The following EGFLAM variants were observed in gnomAD, a reference collection of about 807,000 sequenced individuals.
EGFLAM encodes pikachurin.
EGFLAM carries 79 observed loss-of-function variants against 113.1 expected under a neutral mutation model. That is an observed-to-expected ratio of 0.70 (90% CI 0.58 to 0.84). The LOEUF is 0.84. Among genes scored for constraint, EGFLAM ranks in the 40% least tolerant of loss-of-function variants. The pLI is 0.00. For synonymous variants in EGFLAM, 504 were observed against 487.6 expected, an observed-to-expected ratio of 1.03 and a Z score of -0.44; for missense variants, 1,265 against 1,291.6, an observed-to-expected ratio of 0.98 and a Z score of 0.32.
At chr5:38,262,825 A>G (rs1011634261) in intron 1 of EGFLAM, among the ~76,000 whole-genome samples, 3 of 152,162 alleles carry the variant, frequency 2.0e-5, no homozygotes, top group Non-Finnish European at 4.4e-5. Context: ...ATATGTTTCC[A>G]TTTCTCTTGA....
chr5:38,278,782 C>A (rs1757949044), intron 1 of EGFLAM, among the ~76,000 whole-genome samples: 1 of 146,248 alleles, frequency 6.8e-6, no homozygotes, highest in Non-Finnish European at 1.5e-5. Context: ...AGCCACCGTG[C>A]CTGGCCTCTG....
intron 1 of EGFLAM, chr5:38,283,930 G>C (rs550195000): frequency 1.3e-5 from 2 of 152,394 alleles, no homozygotes; most frequent in African/African-American, 4.8e-5. Context: ...TACCTTCTCA[G>C]CTCTTCATTA....
intron 5 of EGFLAM, among the ~76,000 whole-genome samples, chr5:38,360,573 G>A (rs930641549): frequency 6.6e-6 from 1 of 152,200 alleles, no homozygotes; most frequent in African/African-American, 2.4e-5. Flanking sequence ...CCACTTCTAA[G>A]CTGTGTGATC....
At chr5:38,285,666 G>C (rs1758142725) in intron 1 of EGFLAM, 1 of 152,272 alleles carries the variant, frequency 6.6e-6, no homozygotes, top group African/African-American at 2.4e-5. Flanking sequence ...AATTTATAAA[G>C]AAAAGAGTTT....
chr5:38,412,390 C>T, intron 10 of EGFLAM, 114 bp from the exon 11 acceptor site: 2 of 1,503,750 alleles, frequency 1.3e-6, no homozygotes, highest in Non-Finnish European at 1.8e-6. Context: ...AAACATGACT[C>T]TGAACAGACT....
At chr5:38,333,105 A>G (rs1739087912) in intron 1 of EGFLAM, among the ~76,000 whole-genome samples, 1 of 152,182 alleles carries the variant, frequency 6.6e-6, no homozygotes, top group East Asian at 1.9e-4. Flanking sequence ...CTCCAGCTCC[A>G]TTCATGTTCC....
At chr5:38,449,991 A>T (rs537361578) in intron 18 of EGFLAM, among the ~76,000 whole-genome samples, 1 of 152,188 alleles carries the variant, frequency 6.6e-6, no homozygotes, top group African/African-American at 2.4e-5. Context: ...TAAGCTGCAC[A>T]TAAGATGACT....
intron 6 of EGFLAM, among the ~76,000 whole-genome samples, chr5:38,399,380 C>T (rs951262226): frequency 2.0e-5 from 3 of 151,200 alleles, no homozygotes; most frequent in South Asian, 2.1e-4. Context: ...CAGGCTCAAG[C>T]GATCCTGCCA....
In EGFLAM at chr5:38,463,090, A is replaced by G. The variant is rs7702937; in HGVS notation, c.2875+79A>G. ...GTCTTCCATTTGCTGTGCCGAGGCT[A>G]TGTACTTTGCTGGATCAAATACCTG... On this transcript the variant is annotated intron_variant, in intron 21 of 21. Coordinates refer to ENST00000322350, the MANE Select transcript of EGFLAM (RefSeq NM_152403.4). 30,820 of 1,410,976 alleles carry G rather than the reference A, an allele frequency of 0.022. 4,767 individuals are homozygous for G. In the African/African-American group the frequency reaches 0.36, roughly 16 times the overall value. The allele number at this position is 1,410,976 out of a possible 1,614,324, so 87.4% of individuals were successfully genotyped here.
chr5:38,328,760 A>G (rs1738958514), intron 1 of EGFLAM, among the ~76,000 whole-genome samples: 1 of 69,662 alleles, frequency 1.4e-5, no homozygotes, highest in Non-Finnish European at 3.0e-5. Flanking sequence ...TTGTCTCTTC[A>G]TATTTTATTT....
chr5:38,352,978 T>C (rs1187361637), intron 5 of EGFLAM, among the ~76,000 whole-genome samples: 4 of 152,202 alleles, frequency 2.6e-5, no homozygotes, highest in Admixed American at 6.5e-5. Flanking sequence ...AAATATTATA[T>C]ATGAAAGTAA....
At chr5:38,336,867 CCAA>C (rs1739201275) in intron 1 of EGFLAM, among the ~76,000 whole-genome samples, 1 of 151,968 alleles carries the variant, frequency 6.6e-6, no homozygotes, top group Admixed American at 6.6e-5. Context: ...TTGCATGTGA[CCAA>C]CAAGAGATAT....
At chr5:38,372,653 AGG>A (rs1740255778) in intron 6 of EGFLAM, among the ~76,000 whole-genome samples, 1 of 152,216 alleles carries the variant, frequency 6.6e-6, no homozygotes, top group South Asian at 2.1e-4. Context: ...AATTGTGGGT[AGG>A]GAAGGTGGAC....
chr5:38,293,479 AC>A (rs1467988317), intron 1 of EGFLAM, among the ~76,000 whole-genome samples: 14 of 152,338 alleles, frequency 9.2e-5, no homozygotes, highest in South Asian at 6.2e-4. Flanking sequence ...GACTTGGCTG[AC>A]AAGAATTCCT....
chr5:38,463,938 G>C lies in EGFLAM; in HGVS notation c.2982G>C (p.Val994=). 6.2e-7 allele frequency: 1 copy of C among 1,614,218 alleles called. No individual in the cohort carries two copies. The highest frequency in any genetic ancestry group is 8.5e-7 in the Non-Finnish European group (1 of 1,180,046). ...TLSTDYHISL[V]EDAVDGKNIN... ...CCACCGATTACCACATTTCCCTCGTGGAAGATGCCGTGGATGGGAAAAACA... is the reference window on the plus strand; with the variant it reads ...CCACCGATTACCACATTTCCCTCGTCGAAGATGCCGTGGATGGGAAAAACA... The change falls in exon 22 of 22, where the codon GTG becomes GTC. Residue 994 remains valine (V), a synonymous_variant. Coordinates refer to ENST00000322350, the MANE Select transcript of EGFLAM (RefSeq NM_152403.4).
chr5:38,416,375 A>G (rs564849586), intron 11 of EGFLAM, among the ~76,000 whole-genome samples: 2 of 152,356 alleles, frequency 1.3e-5, no homozygotes, highest in South Asian at 2.1e-4. Context: ...TTTTCAGGGT[A>G]TGGCTTCTGC....
intron 1 of EGFLAM, among the ~76,000 whole-genome samples, chr5:38,302,962 A>C (rs1289021533): frequency 1.3e-5 from 2 of 152,202 alleles, no homozygotes; most frequent in Non-Finnish European, 2.9e-5. Context: ...TAATGAGCTC[A>C]TTCTGGATTC....
At chr5:38,458,051 C>G (rs981626338) in intron 19 of EGFLAM, among the ~76,000 whole-genome samples, 1 of 152,074 alleles carries the variant, frequency 6.6e-6, no homozygotes, top group African/African-American at 2.4e-5. Context: ...CTTAATGCTG[C>G]GGCACTGTAT....
chr5:38,339,500 G>A (rs1561284535), intron 3 of EGFLAM, among the ~76,000 whole-genome samples: 1 of 152,148 alleles, frequency 6.6e-6, no homozygotes, highest in African/African-American at 2.4e-5. Flanking sequence ...GTGCCTTCTG[G>A]CAGCAGCACC....
Sources: allele counts gnomAD v4.1 joint callset (sites outside exome capture counted in the v4.1 genomes callset), GRCh38; gene constraint gnomAD v4.1.1; transcripts MANE v1.5; gene names NCBI Gene and HGNC (gene_info 2026-07-23, HGNC 2026-07-21).